TUSC3: variants seen among roughly 807,000 people sequenced by gnomAD.
TUSC3 encodes the protein dolichyl-diphosphooligosaccharide--protein glycosyltransferase subunit TUSC3.
In TUSC3, 45 loss-of-function variants were observed where a neutral mutation model predicts 44.8. The observed-to-expected ratio is 1.00, with a 90% confidence interval of 0.79 to 1.29. The LOEUF (loss-of-function observed/expected upper bound fraction) is 1.29. Ranked by LOEUF, TUSC3 falls within the 50% of genes most tolerant of loss-of-function variation. The pLI is 0.00. For missense variants in TUSC3, 519 were observed against 437.9 expected, an observed-to-expected ratio of 1.19 and a Z score of -1.65; for synonymous variants, 212 against 152.9, an observed-to-expected ratio of 1.39 and a Z score of -2.85.
At chr8:15,474,159 G>C (rs895569026) in intron 1 of TUSC3, among the ~76,000 whole-genome samples, 2 of 152,124 alleles carry the variant, frequency 1.3e-5, no homozygotes, top group Non-Finnish European at 2.9e-5. Flanking sequence ...GAAAAATATG[G>C]CTCTGTTTTG....
chr8:15,628,781 A>T (rs976635914), intron 2 of TUSC3, among the ~76,000 whole-genome samples: 1 of 152,220 alleles, frequency 6.6e-6, no homozygotes, highest in Non-Finnish European at 1.5e-5. Context: ...GAATTAAATG[A>T]TGTTCTTTCC....
intron 1 of TUSC3, among the ~76,000 whole-genome samples, chr8:15,479,065 C>G (rs1800623231): frequency 6.6e-6 from 1 of 152,138 alleles, no homozygotes; most frequent in Non-Finnish European, 1.5e-5. Flanking sequence ...TGTTTGTTGG[C>G]CTCATAAATG....
chr8:15,443,178 T>TC (rs1402859691), intron 1 of TUSC3, among the ~76,000 whole-genome samples: 1 of 151,980 alleles, frequency 6.6e-6, no homozygotes, highest in Non-Finnish European at 1.5e-5. Flanking sequence ...CTTCCTTTCT[T>TC]TTTTTTAGAA....
chr8:15,441,733 G>A (rs1479813653), intron 1 of TUSC3, among the ~76,000 whole-genome samples: 7 of 151,798 alleles, frequency 4.6e-5, no homozygotes, highest in African/African-American at 1.7e-4. Flanking sequence ...ACAGAGAACA[G>A]GGGGTATGTA....
At chr8:15,770,397 G>A (rs755338122), downstream of TUSC3, among the ~76,000 whole-genome samples, 19 of 152,216 alleles carry the variant, frequency 1.2e-4, no homozygotes, top group East Asian at 9.7e-4. Flanking sequence ...ATCACACACC[G>A]AGGCCTGTCA....
At chr8:15,719,705 T>C (rs1046218412) in intron 6 of TUSC3, among the ~76,000 whole-genome samples, 1 of 152,084 alleles carries the variant, frequency 6.6e-6, no homozygotes, top group African/African-American at 2.4e-5. Flanking sequence ...TGTCACACTT[T>C]TCTAAAAACT....
At chr8:15,830,472 C>T in the TUSC3 span, among the ~76,000 whole-genome samples, 1 of 152,120 alleles carries the variant, frequency 6.6e-6, no homozygotes, top group Non-Finnish European at 1.5e-5. Flanking sequence ...ATATTTATTG[C>T]AGCACTATTC....
the TUSC3 span, among the ~76,000 whole-genome samples, chr8:15,846,646 G>A: frequency 1.3e-5 from 2 of 152,074 alleles, no homozygotes; most frequent in Non-Finnish European, 2.9e-5. Flanking sequence ...TCACTCATAA[G>A]TGGGAATTGA....
the TUSC3 span, among the ~76,000 whole-genome samples, chr8:15,792,282 G>A: frequency 6.3e-3 from 964 of 152,278 alleles, 7 homozygotes; most frequent in African/African-American, 0.022. Context: ...TTAGAAACAG[G>A]TAACATCAAA....
intron 2 of TUSC3, among the ~76,000 whole-genome samples, chr8:15,644,559 C>T (rs1806539425): frequency 6.6e-6 from 1 of 152,058 alleles, no homozygotes; most frequent in Non-Finnish European, 1.5e-5. Flanking sequence ...TTCAAGGATC[C>T]TCTGAATTTC....
At chr8:15,806,791 C>A in the TUSC3 span, 26 of 819,258 alleles carry the variant, frequency 3.2e-5, no homozygotes, top group African/African-American at 1.0e-4. Flanking sequence ...CTTTTTCTAG[C>A]GGATTTGCAA....
chr8:15,423,981 T>G (rs113373186), intron 1 of TUSC3, among the ~76,000 whole-genome samples: 2,846 of 58,138 alleles, frequency 0.049, 245 homozygotes, highest in African/African-American at 0.16. Context: ...TTTTTTTTTT[T>G]TTTTTTTTTT....
At chr8:15,493,168 G>A (rs980644341) in intron 2 of TUSC3, among the ~76,000 whole-genome samples, 1 of 152,176 alleles carries the variant, frequency 6.6e-6, no homozygotes, top group Non-Finnish European at 1.5e-5. Flanking sequence ...AAGTGACAAA[G>A]TGAATGAAAG....
downstream of TUSC3, among the ~76,000 whole-genome samples, chr8:15,769,891 G>A (rs983030797): frequency 6.6e-6 from 1 of 152,198 alleles, no homozygotes; most frequent in African/African-American, 2.4e-5. Context: ...CAGTTAGAAT[G>A]GCGATCATTG....
intron 1 of TUSC3, among the ~76,000 whole-genome samples, chr8:15,621,616 A>C (rs1043632770): frequency 2.7e-5 from 4 of 148,004 alleles, no homozygotes; most frequent in African/African-American, 9.8e-5. Flanking sequence ...TAAATTATAC[A>C]TAAATATTAT....
At chr8:15,621,166 A>G (rs528999494) in intron 1 of TUSC3, among the ~76,000 whole-genome samples, 2 of 152,048 alleles carry the variant, frequency 1.3e-5, no homozygotes, top group East Asian at 3.9e-4. Flanking sequence ...TTAAAAAATA[A>G]ATATTTATAT....
At chr8:15,637,501 A>G (rs572905164) in intron 2 of TUSC3, among the ~76,000 whole-genome samples, 3 of 151,966 alleles carry the variant, frequency 2.0e-5, no homozygotes, top group African/African-American at 4.8e-5. Context: ...TTGTTTAATG[A>G]TATTTACTTT....
At chr8:15,782,354 C>G in the TUSC3 span, among the ~76,000 whole-genome samples, 29 of 152,002 alleles carry the variant, frequency 1.9e-4, no homozygotes, top group Non-Finnish European at 3.8e-4. Flanking sequence ...TGTCATGTGC[C>G]TGTAGTCATA....
chr8:15,715,010 A>T (rs1401360134), intron 6 of TUSC3, among the ~76,000 whole-genome samples: 1 of 152,210 alleles, frequency 6.6e-6, no homozygotes, highest in African/African-American at 2.4e-5. Context: ...ATTTGAATGC[A>T]GGTGTCCCTT....
Sources: gnomAD v4.1 joint callset for allele counts (sites outside exome capture counted in the v4.1 genomes callset) on GRCh38, gnomAD v4.1.1 for gene constraint, MANE v1.5 for transcripts, NCBI Gene and HGNC (gene_info 2026-07-23, HGNC 2026-07-21) for gene names.